LRRC1: variants seen among roughly 807,000 people sequenced by gnomAD.
LRRC1 encodes leucine-rich repeat-containing protein 1.
In LRRC1, 28 loss-of-function variants were observed where a neutral mutation model predicts 69.9. The ratio of observed to expected loss-of-function variants is 0.40; its 90% CI spans 0.30 to 0.55. The LOEUF is 0.55. Ranked by LOEUF, LRRC1 falls within the 20% of genes least tolerant of loss-of-function variation. LRRC1 has a pLI of 0.47. For missense variants in LRRC1, 498 were observed against 609.0 expected (o/e 0.82, Z 1.92); for synonymous variants, 236 against 240.2 (o/e 0.98, Z 0.16).
At chr6:53,821,743 C>T (rs1765121462) in intron 1 of LRRC1, among the ~76,000 whole-genome samples, 1 of 152,152 alleles carries the variant, frequency 6.6e-6, no homozygotes, top group Non-Finnish European at 1.5e-5. Flanking sequence ...TCTTAGGACT[C>T]CTGCACTATG....
At chr6:53,895,521 C>G (rs182190597) in intron 4 of LRRC1, among the ~76,000 whole-genome samples, 30 of 152,230 alleles carry the variant, frequency 2.0e-4, no homozygotes, top group Non-Finnish European at 4.3e-4. Flanking sequence ...TTTTTGTGTT[C>G]TGTGTGCTCA....
intron 9 of LRRC1, among the ~76,000 whole-genome samples, chr6:53,903,375 G>A (rs1298079448): frequency 1.3e-5 from 2 of 151,982 alleles, no homozygotes; most frequent in Non-Finnish European, 2.9e-5. Flanking sequence ...TGGGCAGGGT[G>A]GCAGCAGATC....
intron 2 of LRRC1, among the ~76,000 whole-genome samples, chr6:53,854,999 A>G (rs199854468): frequency 6.6e-5 from 4 of 60,942 alleles, no homozygotes; most frequent in African/African-American, 1.6e-4. Flanking sequence ...TCGACAAGAC[A>G]GGGGGATTTC....
At chr6:53,875,730 T>C (rs969448943) in intron 2 of LRRC1, among the ~76,000 whole-genome samples, 4 of 152,278 alleles carry the variant, frequency 2.6e-5, no homozygotes, top group African/African-American at 9.6e-5. Flanking sequence ...TGGGACTTGA[T>C]GGTGGTAGTG....
At chr6:53,851,458 C>G (rs1269028300) in intron 2 of LRRC1, among the ~76,000 whole-genome samples, 1 of 134,916 alleles carries the variant, frequency 7.4e-6, no homozygotes. Flanking sequence ...AAGCATGAAG[C>G]AAAAAGGGGC....
At chr6:53,841,622 G>T (rs1765793224) in intron 1 of LRRC1, among the ~76,000 whole-genome samples, 1 of 151,858 alleles carries the variant, frequency 6.6e-6, no homozygotes, top group Non-Finnish European at 1.5e-5. Flanking sequence ...TTTTAGACTG[G>T]TCAAAAATAT....
chr6:53,873,594 C>T (rs929134065), intron 2 of LRRC1, among the ~76,000 whole-genome samples: 49 of 152,168 alleles, frequency 3.2e-4, no homozygotes, highest in African/African-American at 1.0e-3. Flanking sequence ...CCACCATGCC[C>T]GGCCGGGAAA....
At chr6:53,889,505 A>T (rs1475366367) in intron 4 of LRRC1, among the ~76,000 whole-genome samples, 1 of 152,198 alleles carries the variant, frequency 6.6e-6, no homozygotes, top group Non-Finnish European at 1.5e-5. Context: ...TTCCTGGATG[A>T]ACTTTGAAAG....
At position 53,923,546 on chromosome 6, in the gene LRRC1, T is replaced by C. The variant is rs1489139470; in HGVS notation, c.*753T>C. 2 of 152,784 alleles carry C rather than the reference T, an allele frequency of 1.3e-5. No homozygotes were observed. Among genetic ancestry groups the C allele is most frequent in the African/African-American group, 4.8e-5 (2 of 41,584 alleles). 9.5% of individuals were successfully genotyped at this position (152,784 alleles called of 1,614,324 possible). ...TTTAACCAAAAAGATGAATTATCAA[T>C]GATTTGTAATTATATCAGTTGATTT... On this transcript the variant is annotated 3_prime_UTR_variant, in exon 14 of 14. Transcript: ENST00000370888.
At chr6:53,805,361 T>C (rs1764608808) in intron 1 of LRRC1, among the ~76,000 whole-genome samples, 1 of 152,146 alleles carries the variant, frequency 6.6e-6, no homozygotes, top group Non-Finnish European at 1.5e-5. Flanking sequence ...AGATTCTTAC[T>C]CTGGGTTGAC....
chr6:53,833,158 G>A (rs1317474981), intron 1 of LRRC1, among the ~76,000 whole-genome samples: 1 of 152,174 alleles, frequency 6.6e-6, no homozygotes, highest in Admixed American at 6.5e-5. Context: ...CATGTCAACA[G>A]CTCATCCCTT....
Position 53,795,200 on chromosome 6 carries a change from G to T in LRRC1, c.-57G>T. ...TGAGCGGAGCCGCCGGCCAGAGCGG[G>T]CTCGGAGCCCGGGTCTCCGCCGCTC... On this transcript the variant is annotated 5_prime_UTR_variant, in exon 1 of 14. Coordinates refer to ENST00000370888, the MANE Select transcript of LRRC1 (RefSeq NM_018214.5). 1 of 1,498,006 alleles carries T rather than the reference G, an allele frequency of 6.7e-7. No individual in the cohort carries two copies. The highest frequency in any genetic ancestry group is 2.4e-5 in the East Asian group (1 of 42,448). The allele number at this position is 1,498,006 out of a possible 1,614,324, so 92.8% of individuals were successfully genotyped here.
chr6:53,837,241 A>G (rs1765639126), intron 1 of LRRC1, among the ~76,000 whole-genome samples: 1 of 151,894 alleles, frequency 6.6e-6, no homozygotes, highest in African/African-American at 2.4e-5. Context: ...ATCTATACCT[A>G]GTAGTATAAC....
At chr6:53,914,817 T>G (rs890961503) in intron 11 of LRRC1, among the ~76,000 whole-genome samples, 4 of 152,152 alleles carry the variant, frequency 2.6e-5, no homozygotes, top group Admixed American at 2.0e-4. Flanking sequence ...TTGGGGAATT[T>G]CCCCTGCCAT....
chr6:53,805,022 CT>C lies in LRRC1; in HGVS notation c.159+9617del, dbSNP rs539177324. The stretch of plus-strand genomic sequence containing the variant: ...CTTGAAAAATAGGCCTAGAGGCTGT[CT>C]TTTTTTTTTCTTCTTTTTATCTCTG... On this transcript the variant is annotated intron_variant, in intron 1 of 13. Transcript: ENST00000370888. Among the ~76,000 whole-genome samples the C allele has an allele frequency of 1.1e-4, 16 of 150,070 alleles. No individual in the cohort carries two copies. The East Asian group carries it at 1.6e-3, about 15-fold the overall frequency.
intron 1 of LRRC1, among the ~76,000 whole-genome samples, chr6:53,829,403 G>A (rs1765367842): frequency 6.6e-6 from 1 of 152,184 alleles, no homozygotes; most frequent in Non-Finnish European, 1.5e-5. Flanking sequence ...GTGTTGTAAA[G>A]TTTTTGAAAT....
rs1055225566 is a variant in LRRC1, at chr6:53,897,331, A to T, written c.614A>T (p.Asp205Val). ...TTACATCTAAAAGATCTCTGGTTGGATGGAAATCAACTGTCAGAATTACCT... is the reference window on the plus strand; with the variant it reads ...TTACATCTAAAAGATCTCTGGTTGGTTGGAAATCAACTGTCAGAATTACCT... ...ALLHLKDLWL[D>V]GNQLSELPQE... Residue 205 changes from aspartate (D) to valine (V), a missense_variant, in exon 7 of 14, where the codon GAT becomes GTT. Coordinates refer to ENST00000370888, the MANE Select transcript of LRRC1 (RefSeq NM_018214.5). 1 of 1,612,650 alleles carries T rather than the reference A, an allele frequency of 6.2e-7. No individual in the cohort carries two copies. Among genetic ancestry groups the T allele is most frequent in the African/African-American group, 1.3e-5 (1 of 74,892 alleles).
chr6:53,852,286 G>C (rs1202000125), intron 2 of LRRC1, among the ~76,000 whole-genome samples: 2 of 152,222 alleles, frequency 1.3e-5, no homozygotes, highest in African/African-American at 2.4e-5. Flanking sequence ...CCGTATAGAT[G>C]CTGTAATTCT....
chr6:53,814,347 T>C (rs2127406681), intron 1 of LRRC1, among the ~76,000 whole-genome samples: 1 of 152,354 alleles, frequency 6.6e-6, no homozygotes, highest in African/African-American at 2.4e-5. Flanking sequence ...AATTAATCAC[T>C]CTGTGGGTTT....
Sources: allele counts gnomAD v4.1 joint callset (sites outside exome capture counted in the v4.1 genomes callset), GRCh38; gene constraint gnomAD v4.1.1; transcripts MANE v1.5; gene names NCBI Gene and HGNC (gene_info 2026-07-23, HGNC 2026-07-21).